Variants in ADAMTSL1 observed in about 807,000 individuals in gnomAD.
ADAMTSL1 encodes the protein ADAMTS like 1.
Under a neutral mutation model 201.8 loss-of-function variants are expected in ADAMTSL1, and 126 were observed. The observed-to-expected ratio is 0.62, with a 90% CI of 0.54 to 0.72. The LOEUF (loss-of-function observed/expected upper bound fraction) is 0.72. Among genes scored for constraint, ADAMTSL1 ranks in the 30% least tolerant of loss-of-function variants. The pLI is 0.00. For missense variants in ADAMTSL1, 2,679 were observed against 2,277.8 expected, an observed-to-expected ratio of 1.18 and a Z score of -3.59; for synonymous variants, 1,121 against 903.4, an observed-to-expected ratio of 1.24 and a Z score of -4.32.
At chr9:18,017,312 T>C (rs1820299973) in intron 1 of ADAMTSL1, among the ~76,000 whole-genome samples, 1 of 151,912 alleles carries the variant, frequency 6.6e-6, no homozygotes, top group Non-Finnish European at 1.5e-5. Flanking sequence ...GTTTTGTGGG[T>C]TTTTTGGAAT....
intron 2 of ADAMTSL1, among the ~76,000 whole-genome samples, chr9:18,382,163 A>T (rs1242892677): frequency 6.6e-6 from 1 of 152,136 alleles, no homozygotes; most frequent in Non-Finnish European, 1.5e-5. Context: ...TTGGAAAATG[A>T]GTGGCTTTTA....
At chr9:18,589,475 G>C (rs1823769886) in intron 4 of ADAMTSL1, among the ~76,000 whole-genome samples, 1 of 152,110 alleles carries the variant, frequency 6.6e-6, no homozygotes, top group Admixed American at 6.5e-5. Flanking sequence ...AGTTTTGGGG[G>C]AAAATTCTGG....
intron 1 of ADAMTSL1, among the ~76,000 whole-genome samples, chr9:18,496,124 T>C (rs912228188): frequency 6.6e-6 from 1 of 152,188 alleles, no homozygotes; most frequent in African/African-American, 2.4e-5. Flanking sequence ...TTATATAGAA[T>C]GATAATCCCA....
chr9:18,661,984 G>T lies in ADAMTSL1; in HGVS notation c.996G>T (p.Val332=). Residue 332 remains valine, a synonymous_variant, in exon 9 of 29, where the codon GTG becomes GTT. Coordinates refer to ENST00000380548, the MANE Select transcript of ADAMTSL1 (RefSeq NM_001040272.6). ...AECYDLRSNR[V]VADQYCHYYP... is the part of the protein sequence containing the mutation. The stretch of plus-strand genomic sequence containing the variant: ...GCTACGATCTGAGGAGCAACCGTGT[G>T]GTTGCTGACCAATACTGTCACTATT... The T allele has an allele frequency of 6.2e-7, 1 of 1,614,024 alleles. No homozygotes were observed. The highest frequency in any genetic ancestry group is 8.5e-7 in the Non-Finnish European group (1 of 1,179,944).
chr9:18,604,337 CTA>C (rs1564083186), intron 4 of ADAMTSL1, among the ~76,000 whole-genome samples: 1 of 152,134 alleles, frequency 6.6e-6, no homozygotes, highest in African/African-American at 2.4e-5. Flanking sequence ...TTAAAAGAAA[CTA>C]TTATTTCTAA....
intron 3 of ADAMTSL1, among the ~76,000 whole-genome samples, chr9:18,546,368 C>G (rs1433860088): frequency 6.6e-6 from 1 of 151,938 alleles, no homozygotes; most frequent in Non-Finnish European, 1.5e-5. Context: ...CTGGGGTGCA[C>G]GGGTACAATC....
intron 2 of ADAMTSL1, among the ~76,000 whole-genome samples, chr9:18,432,807 G>C (rs890214681): frequency 1.3e-5 from 2 of 152,146 alleles, no homozygotes; most frequent in African/African-American, 4.8e-5. Flanking sequence ...TTTGTAGTAC[G>C]ATGGTTCTTC....
chr9:18,448,016 G>A (rs1421885446), intron 2 of ADAMTSL1, among the ~76,000 whole-genome samples: 1 of 151,746 alleles, frequency 6.6e-6, no homozygotes, highest in East Asian at 1.9e-4. Context: ...GTGCGTGCTC[G>A]CTCTCGCTCT....
In ADAMTSL1 at chr9:18,908,703, T is replaced by C. The variant is rs1214010191; in HGVS notation, c.*155T>C. 1.2e-5 allele frequency: 7 copies of C among 608,674 alleles called. No individual in the cohort carries two copies. The highest frequency in any genetic ancestry group is 2.0e-5 in the Non-Finnish European group (7 of 348,240). The allele number at this position is 608,674 out of a possible 1,614,324, so 37.7% of individuals were successfully genotyped here. A position where few individuals can be genotyped will look rare whatever the true frequency, so the allele number is the denominator to read the frequency against. ...CCTCCTCCACCTCCACCTTCAAGCATAAGGACGTCCGCGTGTTTTCTCTTT... is the reference window on the plus strand; with the variant it reads ...CCTCCTCCACCTCCACCTTCAAGCACAAGGACGTCCGCGTGTTTTCTCTTT... On this transcript the variant is annotated 3_prime_UTR_variant, in exon 29 of 29. Transcript: ENST00000380548.
rs554724718 is a variant in ADAMTSL1 at position 18,377,813 on chromosome 9, C to G, written c.208-127016C>G. ...GAACTCCTGACCTCAGGTGATCCGC[C>G]CACCTCAGCCTCCCAAAGTGCTGGG... On this transcript the variant is annotated intron_variant, in intron 2 of 29. Transcript: ENST00000680146. Among the ~76,000 whole-genome samples the G allele has an allele frequency of 2.6e-5, 4 of 152,200 alleles. No homozygotes were observed. The South Asian group carries it at 8.3e-4, about 32-fold the overall frequency.
At chr9:18,608,652 G>C (rs915057200) in intron 4 of ADAMTSL1, among the ~76,000 whole-genome samples, 1 of 152,150 alleles carries the variant, frequency 6.6e-6, no homozygotes, top group Non-Finnish European at 1.5e-5. Context: ...GTTAGAAAGA[G>C]TAGCCAAATT....
intron 5 of ADAMTSL1, among the ~76,000 whole-genome samples, chr9:18,626,834 T>C (rs1292719343): frequency 1.5e-4 from 19 of 127,160 alleles, no homozygotes; most frequent in African/African-American, 4.0e-4. Flanking sequence ...TCTTTCTTAC[T>C]TTCTTTTTCT....
intron 1 of ADAMTSL1, among the ~76,000 whole-genome samples, chr9:18,035,677 C>T (rs1821164684): frequency 6.6e-6 from 1 of 152,128 alleles, no homozygotes; most frequent in African/African-American, 2.4e-5. Context: ...GTGCTCCCCA[C>T]CTCCTGACAT....
chr9:18,122,635 A>T (rs1456699146), intron 1 of ADAMTSL1, among the ~76,000 whole-genome samples: 1 of 152,166 alleles, frequency 6.6e-6, no homozygotes. Flanking sequence ...TGATTTTATA[A>T]TAATGGTTCA....
chr9:18,027,553 T>C (rs1007498817), intron 1 of ADAMTSL1, among the ~76,000 whole-genome samples: 1 of 152,066 alleles, frequency 6.6e-6, no homozygotes, highest in African/African-American at 2.4e-5. Flanking sequence ...TGATTTCCAT[T>C]TTTATTCCTC....
chr9:18,631,739 TATAG>T (rs1340414475), intron 5 of ADAMTSL1, among the ~76,000 whole-genome samples: 1 of 152,178 alleles, frequency 6.6e-6, no homozygotes, highest in Non-Finnish European at 1.5e-5. Context: ...GTGATATACA[TATAG>T]ATAGATATTT....
At chr9:18,528,759 A>G (rs893552399) in intron 2 of ADAMTSL1, among the ~76,000 whole-genome samples, 9 of 152,202 alleles carry the variant, frequency 5.9e-5, no homozygotes, top group Non-Finnish European at 8.8e-5. Flanking sequence ...TTCATAATTG[A>G]TATAGTTCTG....
Position 18,885,847 on chromosome 9 carries a change from G to C in ADAMTSL1, c.4250-1984G>C, listed in dbSNP as rs188434116. The stretch of plus-strand genomic sequence containing the variant: ...ATGGGGGAAAGAACACGGTCCAGGC[G>C]TCGGATAGAAGGCCTGCCGCACAAT... On this transcript the variant is annotated intron_variant, in intron 23 of 28. Transcript: ENST00000380548. Among the ~76,000 whole-genome samples the C allele has an allele frequency of 3.7e-4, 56 of 152,198 alleles. 1 individual carries two copies. The highest frequency in any genetic ancestry group is 4.7e-4 in the Non-Finnish European group (32 of 68,014).
intron 15 of ADAMTSL1, among the ~76,000 whole-genome samples, chr9:18,744,651 A>G (rs1564198125): frequency 6.6e-6 from 1 of 152,244 alleles, no homozygotes; most frequent in Non-Finnish European, 1.5e-5. Context: ...AGCCCTGGGA[A>G]GTAGGTATTG....
Sources: allele counts gnomAD v4.1 joint callset (sites outside exome capture counted in the v4.1 genomes callset), GRCh38; gene constraint gnomAD v4.1.1; transcripts MANE v1.5; gene names NCBI Gene and HGNC (gene_info 2026-07-23, HGNC 2026-07-21).